LRP1B: variants seen among roughly 807,000 people sequenced by gnomAD.
The protein encoded by LRP1B is low-density lipoprotein receptor-related protein 1B.
LRP1B carries 217 observed loss-of-function variants against 556.6 expected under a neutral mutation model. That is an observed-to-expected ratio of 0.39 (90% confidence interval 0.35 to 0.44). The LOEUF (loss-of-function observed/expected upper bound fraction) is 0.44. LRP1B is among the 20% of genes least tolerant of loss of function. The pLI is 1.00. For synonymous variants in LRP1B, 2,047 were observed against 1,865.8 expected, an observed-to-expected ratio of 1.10 and a Z score of -2.50; for missense variants, 5,053 against 5,620.8, an observed-to-expected ratio of 0.90 and a Z score of 3.23.
chr2:141,894,927 A>G (rs1041912881), intron 1 of LRP1B, among the ~76,000 whole-genome samples: 4 of 151,848 alleles, frequency 2.6e-5, no homozygotes, highest in African/African-American at 9.7e-5. Context: ...GCATGCCTGT[A>G]ATCCCAGCTA....
chr2:140,374,247 G>A (rs549013400), intron 68 of LRP1B, among the ~76,000 whole-genome samples: 1 of 152,184 alleles, frequency 6.6e-6, no homozygotes, highest in South Asian at 2.1e-4. Flanking sequence ...CTGTTGTTAG[G>A]GAATTTCTAT....
intron 35 of LRP1B, among the ~76,000 whole-genome samples, chr2:140,730,599 A>G (rs1687744447): frequency 6.6e-6 from 1 of 152,056 alleles, no homozygotes; most frequent in Non-Finnish European, 1.5e-5. Flanking sequence ...TAGCTCAGTC[A>G]CCCAGGCTGG....
intron 27 of LRP1B, among the ~76,000 whole-genome samples, chr2:140,863,029 T>C (rs1692844729): frequency 6.6e-6 from 1 of 152,190 alleles, no homozygotes; most frequent in South Asian, 2.1e-4. Flanking sequence ...CAGATTTGGA[T>C]TGAGTTACAC....
chr2:141,082,297 T>A (rs1699943672), intron 7 of LRP1B, among the ~76,000 whole-genome samples: 1 of 152,150 alleles, frequency 6.6e-6, no homozygotes. Context: ...AAATGTCATG[T>A]GAGGTTCAAA....
intron 35 of LRP1B, among the ~76,000 whole-genome samples, chr2:140,725,797 T>C (rs1687574164): frequency 6.6e-6 from 1 of 152,136 alleles, no homozygotes; most frequent in African/African-American, 2.4e-5. Context: ...CCTCACATCA[T>C]ATCCTTGACT....
chr2:141,631,533 T>A (rs1045824300), intron 2 of LRP1B, among the ~76,000 whole-genome samples: 1 of 139,830 alleles, frequency 7.2e-6, no homozygotes, highest in Admixed American at 7.3e-5. Context: ...AATGAACCAG[T>A]TTTCCAAAAA....
chr2:140,748,778 G>GTATATGATA (rs1688451435), intron 35 of LRP1B, among the ~76,000 whole-genome samples: 1 of 61,328 alleles, frequency 1.6e-5, no homozygotes, highest in Non-Finnish European at 3.8e-5. Context: ...TATATAATAT[G>GTATATGATA]TATATAATAT....
chr2:141,990,833 A>G (rs1472558648), intron 1 of LRP1B, among the ~76,000 whole-genome samples: 1 of 152,030 alleles, frequency 6.6e-6, no homozygotes, highest in Non-Finnish European at 1.5e-5. Context: ...ATATTTAACC[A>G]AAATTTCTTT....
chr2:142,072,786 G>C (rs1282391543), intron 1 of LRP1B, among the ~76,000 whole-genome samples: 1 of 151,910 alleles, frequency 6.6e-6, no homozygotes, highest in African/African-American at 2.4e-5. Flanking sequence ...GATCCTATGA[G>C]GTCTGGCATA....
In LRP1B at chr2:140,610,418, A is replaced by ATAT. The variant is rs1426195441; in HGVS notation, c.6800-8782_6800-8780dup. On this transcript the variant is annotated intron_variant, in intron 41 of 90. Coordinates refer to ENST00000389484, the MANE Select transcript of LRP1B (RefSeq NM_018557.3). The stretch of plus-strand genomic sequence containing the variant: ...TGAATCCACTGAATGCAGGGTCTGC[A>ATAT]TATTTATGCTTTAATTCTTAAATGC... 3.3e-5 allele frequency among the ~76,000 whole-genome samples: 5 copies of ATAT among 152,300 alleles called. No individual in the cohort carries two copies. The East Asian group carries it at 9.6e-4, about 29-fold the overall frequency.
intron 77 of LRP1B, among the ~76,000 whole-genome samples, chr2:140,337,341 AC>A (rs1424601680): frequency 1.3e-5 from 2 of 151,974 alleles, no homozygotes; most frequent in Non-Finnish European, 1.5e-5. Flanking sequence ...TATCTCAGTT[AC>A]CTGAATTAAA....
intron 41 of LRP1B, among the ~76,000 whole-genome samples, chr2:140,665,235 T>C (rs1010172745): frequency 8.5e-5 from 13 of 152,186 alleles, no homozygotes; most frequent in African/African-American, 3.1e-4. Context: ...GACGAAGTTG[T>C]CAAATATTTT....
At position 141,328,556 on chromosome 2, in the gene LRP1B, G is replaced by C. The variant is rs180936499; in HGVS notation, c.344-73915C>G. ...CTTCAGGGAAGAGTGGCAGTTTCCA[G>C]TTAGGACTCAATATTTAAGCCCTCT... On this transcript the variant is annotated intron_variant, in intron 3 of 90. Transcript: ENST00000389484. Among the ~76,000 whole-genome samples, 31 of 152,320 alleles carry C rather than the reference G, an allele frequency of 2.0e-4. 1 individual carries two copies. In the East Asian group the frequency reaches 3.5e-3, roughly 17 times the overall value.
At chr2:141,526,469 T>C (rs1231246571) in intron 2 of LRP1B, among the ~76,000 whole-genome samples, 1 of 152,100 alleles carries the variant, frequency 6.6e-6, no homozygotes, top group African/African-American at 2.4e-5. Flanking sequence ...TATTAATTAC[T>C]CTTTGATTCC....
intron 9 of LRP1B, among the ~76,000 whole-genome samples, chr2:141,056,483 T>G (rs1403271536): frequency 6.6e-6 from 1 of 151,888 alleles, no homozygotes; most frequent in Non-Finnish European, 1.5e-5. Flanking sequence ...TCTACAATTC[T>G]TTTCCTTCTT....
intron 3 of LRP1B, among the ~76,000 whole-genome samples, chr2:141,332,094 A>T (rs1484302359): frequency 1.3e-5 from 2 of 151,760 alleles, no homozygotes; most frequent in East Asian, 3.9e-4. Flanking sequence ...CTATGGAGCT[A>T]TTCTGTAATT....
chr2:141,987,956 T>C (rs1232544765), intron 1 of LRP1B, among the ~76,000 whole-genome samples: 2 of 151,896 alleles, frequency 1.3e-5, no homozygotes, highest in African/African-American at 4.8e-5. Context: ...ATGCAAAGGA[T>C]TATTATCAGT....
rs1553453021 is a variant in LRP1B at position 141,714,447 on chromosome 2, C to CA, written c.205+95831_205+95832insT. ...CCTTGAAGCAACTTGTCTCTGTAGGCTCTTTTTTTTTTTTCCTATATTTTA... is the reference window on the plus strand; with the variant it reads ...CCTTGAAGCAACTTGTCTCTGTAGGCATCTTTTTTTTTTTTCCTATATTTTA... On this transcript the variant is annotated intron_variant, in intron 2 of 90. Coordinates refer to ENST00000389484, the MANE Select transcript of LRP1B (RefSeq NM_018557.3). Among the ~76,000 whole-genome samples, 40 of 135,014 alleles carry CA rather than the reference C, an allele frequency of 3.0e-4. No individual in the cohort carries two copies. The East Asian group carries it at 4.6e-3, about 15-fold the overall frequency. The allele number at this position is 135,014 out of a possible 152,430, so 88.6% of individuals were successfully genotyped here. A position where few individuals can be genotyped will look rare whatever the true frequency, so the allele number is the denominator to read the frequency against.
At chr2:140,458,822 A>G (rs1687205908) in intron 60 of LRP1B, among the ~76,000 whole-genome samples, 1 of 151,910 alleles carries the variant, frequency 6.6e-6, no homozygotes, top group Non-Finnish European at 1.5e-5. Context: ...AATATTTTAA[A>G]TTTTTTGATT....
Sources: allele counts gnomAD v4.1 joint callset (sites outside exome capture counted in the v4.1 genomes callset), GRCh38; gene constraint gnomAD v4.1.1; transcripts MANE v1.5; gene names NCBI Gene and HGNC (gene_info 2026-07-23, HGNC 2026-07-21).